The following GALNT13 variants were observed in gnomAD, a reference collection of about 807,000 sequenced individuals.
GALNT13 encodes the protein UDP-GalNAc:polypeptide N-acetylgalactosaminyltransferase 13.
A neutral mutation model predicts 64.2 loss-of-function variants in GALNT13; 28 were observed. The observed-to-expected ratio is 0.44, with a 90% CI of 0.32 to 0.60. The LOEUF is 0.60. Among genes scored for constraint, GALNT13 ranks in the 20% least tolerant of loss-of-function variants. The probability of loss-of-function intolerance (pLI) is 0.05; values close to 1 mark genes in which losing one functional copy is unlikely to be tolerated. For missense variants in GALNT13, 577 were observed against 669.8 expected, an observed-to-expected ratio of 0.86 and a Z score of 1.53; for synonymous variants, 214 against 224.6, an observed-to-expected ratio of 0.95 and a Z score of 0.42.
At chr2:153,559,471 T>C in the GALNT13 span, among the ~76,000 whole-genome samples, 2 of 152,132 alleles carry the variant, frequency 1.3e-5, no homozygotes, top group East Asian at 3.9e-4. Flanking sequence ...ATCCCCTATA[T>C]TTCTTGAATA....
At chr2:153,429,900 A>G in the GALNT13 span, among the ~76,000 whole-genome samples, 1 of 152,160 alleles carries the variant, frequency 6.6e-6, no homozygotes, top group African/African-American at 2.4e-5. Flanking sequence ...TAATATTTAT[A>G]TCATTTTTTA....
At chr2:153,600,382 A>C in the GALNT13 span, among the ~76,000 whole-genome samples, 5 of 151,982 alleles carry the variant, frequency 3.3e-5, no homozygotes, top group Non-Finnish European at 5.9e-5. Context: ...GCTTTTTGTA[A>C]ATATCTAAAT....
At chr2:153,308,891 T>C in the GALNT13 span, among the ~76,000 whole-genome samples, 3 of 152,130 alleles carry the variant, frequency 2.0e-5, 1 homozygote, top group African/African-American at 7.2e-5. Context: ...AAATGGTACA[T>C]AGAATAATGA....
chr2:153,511,880 A>T, the GALNT13 span, among the ~76,000 whole-genome samples: 1 of 152,226 alleles, frequency 6.6e-6, no homozygotes, highest in Admixed American at 6.5e-5. Context: ...AAAATAAATT[A>T]TATCCCAATG....
At chr2:153,668,103 A>G in the GALNT13 span, among the ~76,000 whole-genome samples, 1 of 152,176 alleles carries the variant, frequency 6.6e-6, no homozygotes, top group South Asian at 2.1e-4. Context: ...GGGCACTCAG[A>G]TTCATTAAGC....
intron 4 of GALNT13, among the ~76,000 whole-genome samples, chr2:154,230,535 T>G (rs1041517147): frequency 1.3e-5 from 2 of 152,120 alleles, no homozygotes; most frequent in African/African-American, 4.8e-5. Context: ...TAAAACTTGC[T>G]TGCATAATAC....
the GALNT13 span, among the ~76,000 whole-genome samples, chr2:153,805,065 T>C: frequency 2.0e-5 from 3 of 151,766 alleles, no homozygotes; most frequent in African/African-American, 7.2e-5. Flanking sequence ...TATACATAGA[T>C]TGATATATAT....
At chr2:153,182,112 C>T in the GALNT13 span, among the ~76,000 whole-genome samples, 22 of 151,376 alleles carry the variant, frequency 1.5e-4, 2 homozygotes, top group Admixed American at 1.2e-3. Context: ...GGCATGATTT[C>T]AGCTCACTGC....
chr2:154,248,020 T>A (rs1233685874), intron 7 of GALNT13, among the ~76,000 whole-genome samples: 1 of 152,150 alleles, frequency 6.6e-6, no homozygotes, highest in East Asian at 1.9e-4. Context: ...TAAATCATTC[T>A]AGATGTTGAA....
At chr2:153,130,977 A>G in the GALNT13 span, among the ~76,000 whole-genome samples, 1 of 152,174 alleles carries the variant, frequency 6.6e-6, no homozygotes, top group African/African-American at 2.4e-5. Flanking sequence ...TTCTTATCTA[A>G]CAAGTCTTCC....
chr2:153,413,180 T>C, the GALNT13 span, among the ~76,000 whole-genome samples: 18 of 152,022 alleles, frequency 1.2e-4, no homozygotes, highest in Non-Finnish European at 2.4e-4. Context: ...ATCTGGGAAA[T>C]ATACATCCTG....
chr2:153,318,788 T>G, the GALNT13 span, among the ~76,000 whole-genome samples: 7,424 of 152,270 alleles, frequency 0.049, 279 homozygotes, highest in Non-Finnish European at 0.073. Context: ...TGTACTCTTG[T>G]AAGAATATCT....
the GALNT13 span, among the ~76,000 whole-genome samples, chr2:153,570,221 C>A: frequency 2.0e-5 from 3 of 152,046 alleles, no homozygotes; most frequent in South Asian, 6.2e-4. Context: ...TTTTTATATG[C>A]CTGTTTGCCA....
intron 2 of GALNT13, among the ~76,000 whole-genome samples, chr2:153,938,214 T>C (rs963373763): frequency 5.9e-5 from 9 of 152,148 alleles, no homozygotes; most frequent in African/African-American, 1.9e-4. Flanking sequence ...GGGTAACAGT[T>C]GGACTTGTAG....
the GALNT13 span, among the ~76,000 whole-genome samples, chr2:153,223,750 G>A: frequency 1.3e-5 from 2 of 152,066 alleles, no homozygotes; most frequent in African/African-American, 4.8e-5. Context: ...CTTGAGGTCA[G>A]GAGTTTGAGG....
chr2:153,865,004 C>T, the GALNT13 span, among the ~76,000 whole-genome samples: 8 of 149,526 alleles, frequency 5.4e-5, no homozygotes, highest in African/African-American at 7.4e-5. Flanking sequence ...GAAATAACGC[C>T]GCCTACCTAC....
chr2:153,312,205 A>G, the GALNT13 span, among the ~76,000 whole-genome samples: 1 of 152,184 alleles, frequency 6.6e-6, no homozygotes, highest in Non-Finnish European at 1.5e-5. Context: ...TTTCTACGGG[A>G]CAGTCCTGAT....
chr2:154,365,773 AAAC>A (rs1253626965), intron 9 of GALNT13, among the ~76,000 whole-genome samples: 3 of 152,330 alleles, frequency 2.0e-5, no homozygotes, highest in African/African-American at 7.2e-5. Context: ...TTAACTGACT[AAAC>A]AAGTCTTACT....
intron 3 of GALNT13, among the ~76,000 whole-genome samples, chr2:153,983,092 A>G (rs1296348725): frequency 1.3e-5 from 2 of 151,950 alleles, no homozygotes; most frequent in Admixed American, 6.6e-5. Context: ...AAATAAGTCT[A>G]TTCTGTTTAT....
Sources: gnomAD v4.1 joint callset for allele counts (sites outside exome capture counted in the v4.1 genomes callset) on GRCh38, gnomAD v4.1.1 for gene constraint, MANE v1.5 for transcripts, NCBI Gene and HGNC (gene_info 2026-07-23, HGNC 2026-07-21) for gene names.